NCKAP5: variants seen among roughly 807,000 people sequenced by gnomAD.
NCKAP5 encodes the protein nck-associated protein 5.
In NCKAP5, 92 loss-of-function variants were observed where a neutral mutation model predicts 167.0. That is an observed-to-expected ratio of 0.55 (90% CI 0.47 to 0.66). The LOEUF (loss-of-function observed/expected upper bound fraction) is 0.66, where lower values mean the gene tolerates loss of function less well. Among genes scored for constraint, NCKAP5 ranks in the 30% least tolerant of loss-of-function variants. The pLI is 0.00. For missense variants in NCKAP5, 2,378 were observed against 2,315.0 expected, an observed-to-expected ratio of 1.03 and a Z score of -0.56; for synonymous variants, 891 against 877.4, an observed-to-expected ratio of 1.02 and a Z score of -0.27.
intron 6 of NCKAP5, among the ~76,000 whole-genome samples, chr2:133,011,772 A>C (rs1369556091): frequency 6.6e-6 from 1 of 152,202 alleles, no homozygotes. Flanking sequence ...CCTGATTTTC[A>C]GTTTGGACAG....
intron 11 of NCKAP5, among the ~76,000 whole-genome samples, chr2:132,860,219 T>G (rs1689785289): frequency 6.6e-6 from 1 of 152,226 alleles, no homozygotes; most frequent in South Asian, 2.1e-4. Flanking sequence ...CTAACTCCTT[T>G]CCATGGTTCC....
At chr2:133,611,492 T>C in the NCKAP5 span, among the ~76,000 whole-genome samples, 1 of 152,222 alleles carries the variant, frequency 6.6e-6, no homozygotes, top group Non-Finnish European at 1.5e-5. Context: ...ATTCTGTGTT[T>C]TCACTTATTT....
At chr2:132,723,876 T>C (rs1476636994) in intron 19 of NCKAP5, among the ~76,000 whole-genome samples, 1 of 152,236 alleles carries the variant, frequency 6.6e-6, no homozygotes, top group Non-Finnish European at 1.5e-5. Flanking sequence ...TTTTAAACTT[T>C]GCACGTCATG....
chr2:133,628,358 C>A, the NCKAP5 span, among the ~76,000 whole-genome samples: 197 of 152,202 alleles, frequency 1.3e-3, no homozygotes, highest in Non-Finnish European at 2.7e-3. Context: ...AGCAGTCAAG[C>A]AGAAAGCCAA....
At position 133,229,572 on chromosome 2, in the gene NCKAP5, T is replaced by C. The variant is rs1348240403; in HGVS notation, c.144-15793A>G. The stretch of plus-strand genomic sequence containing the variant: ...ACTTTACGTTAGTTATTAACTTGTT[T>C]AATCCTTACCCCAACCATGACGTAG... On this transcript the variant is annotated intron_variant, in intron 4 of 19. Transcript: ENST00000409261. Among the ~76,000 whole-genome samples the C allele has an allele frequency of 4.6e-5, 7 of 152,222 alleles. No individual in the cohort carries two copies. In the East Asian group the frequency reaches 1.3e-3, roughly 29 times the overall value.
chr2:133,326,458 CAAAAA>C (rs34750625), intron 3 of NCKAP5, among the ~76,000 whole-genome samples: 4 of 49,016 alleles, frequency 8.2e-5, no homozygotes, highest in Admixed American at 5.0e-4. Context: ...TCAGTCTCAA[CAAAAA>C]AAAAAAAAAA....
At chr2:132,859,815 G>C (rs1187974578) in intron 11 of NCKAP5, among the ~76,000 whole-genome samples, 1 of 152,144 alleles carries the variant, frequency 6.6e-6, no homozygotes, top group Non-Finnish European at 1.5e-5. Context: ...AAACAGCAAA[G>C]GTCAGCCCTG....
At chr2:133,313,056 C>T (rs1366547835) in intron 3 of NCKAP5, among the ~76,000 whole-genome samples, 1 of 152,106 alleles carries the variant, frequency 6.6e-6, no homozygotes, top group Non-Finnish European at 1.5e-5. Context: ...TCTGTTTTTG[C>T]TCAGTTCAGC....
At chr2:133,653,131 C>T in the NCKAP5 span, among the ~76,000 whole-genome samples, 16 of 152,204 alleles carry the variant, frequency 1.1e-4, no homozygotes, top group African/African-American at 3.9e-4. Context: ...GCAACTTGTG[C>T]ATCCAACTCT....
At chr2:132,970,081 G>A (rs1018339761) in intron 7 of NCKAP5, among the ~76,000 whole-genome samples, 5 of 152,140 alleles carry the variant, frequency 3.3e-5, no homozygotes, top group African/African-American at 1.2e-4. Context: ...GGAGAGAAAC[G>A]TGGCTATACC....
chr2:133,393,459 A>C (rs1193624648), intron 3 of NCKAP5, among the ~76,000 whole-genome samples: 1 of 152,262 alleles, frequency 6.6e-6, no homozygotes, highest in Non-Finnish European at 1.5e-5. Flanking sequence ...AGTGTGAGCA[A>C]CAGTTAATAA....
chr2:133,088,164 G>T (rs567709426), intron 6 of NCKAP5, among the ~76,000 whole-genome samples: 1 of 152,104 alleles, frequency 6.6e-6, no homozygotes, highest in Non-Finnish European at 1.5e-5. Context: ...TCTTCACACC[G>T]ATCTGATGTG....
intron 2 of NCKAP5, among the ~76,000 whole-genome samples, chr2:133,550,054 T>C (rs1427463782): frequency 2.0e-5 from 3 of 151,638 alleles, no homozygotes; most frequent in African/African-American, 7.3e-5. Flanking sequence ...CAGGAAGAAG[T>C]TGAATCTCTG....
At chr2:133,193,879 A>G (rs913277599) in intron 5 of NCKAP5, among the ~76,000 whole-genome samples, 1 of 152,148 alleles carries the variant, frequency 6.6e-6, no homozygotes, top group Non-Finnish European at 1.5e-5. Flanking sequence ...GACTGTTTCT[A>G]CAAAATACCA....
At chr2:133,205,142 A>T (rs1336215411) in intron 5 of NCKAP5, among the ~76,000 whole-genome samples, 1 of 152,040 alleles carries the variant, frequency 6.6e-6, no homozygotes, top group African/African-American at 2.4e-5. Context: ...ATTTAAAAAA[A>T]AATAGCCAGG....
chr2:133,180,847 G>C (rs1206172768), intron 5 of NCKAP5, among the ~76,000 whole-genome samples: 1 of 152,064 alleles, frequency 6.6e-6, no homozygotes, highest in Non-Finnish European at 1.5e-5. Context: ...GAACTGAAAA[G>C]CTTCTACACA....
At chr2:133,509,047 T>C (rs1683263889) in intron 3 of NCKAP5, among the ~76,000 whole-genome samples, 1 of 152,194 alleles carries the variant, frequency 6.6e-6, no homozygotes. Flanking sequence ...TACAGCTGAA[T>C]GAAACAGGTG....
At chr2:132,847,499 T>C (rs80185741) in intron 11 of NCKAP5, among the ~76,000 whole-genome samples, 2,936 of 152,342 alleles carry the variant, frequency 0.019, 103 homozygotes, top group African/African-American at 0.066. Context: ...TTTCTATATA[T>C]ATTGTTTTCC....
intron 6 of NCKAP5, among the ~76,000 whole-genome samples, chr2:133,024,559 C>T (rs1009083753): frequency 1.3e-5 from 2 of 152,072 alleles, no homozygotes; most frequent in African/African-American, 4.8e-5. Context: ...GTATTTAGTA[C>T]ACTAAATGTA....
Sources: allele counts gnomAD v4.1 joint callset (sites outside exome capture counted in the v4.1 genomes callset), GRCh38; gene constraint gnomAD v4.1.1; transcripts MANE v1.5; gene names NCBI Gene and HGNC (gene_info 2026-07-23, HGNC 2026-07-21).